Variants in NFATC2IP observed in about 807,000 individuals in gnomAD.
NFATC2IP encodes NFATC2-interacting protein.
Under a neutral mutation model 40.2 loss-of-function variants are expected in NFATC2IP, and 25 were observed. The observed-to-expected ratio is 0.62, with a 90% CI of 0.45 to 0.87. The LOEUF (loss-of-function observed/expected upper bound fraction) is 0.87. Among genes scored for constraint, NFATC2IP ranks in the 40% least tolerant of loss-of-function variants. The pLI, the probability that NFATC2IP is intolerant of heterozygous loss-of-function variation, is 0.00. For missense variants in NFATC2IP, 553 were observed against 555.6 expected (o/e 1.00, Z 0.05); for synonymous variants, 241 against 236.3 (o/e 1.02, Z -0.18).
At chr16:28,961,933 T>G (rs1358536803) in intron 7 of NFATC2IP, among the ~76,000 whole-genome samples, 3 of 146,372 alleles carry the variant, frequency 2.0e-5, no homozygotes, top group Non-Finnish European at 4.5e-5. Context: ...AGACAGGGTC[T>G]TGCTCTGTTG....
intron 2 of NFATC2IP, among the ~76,000 whole-genome samples, chr16:28,952,878 C>G (rs1259790764): frequency 1.3e-5 from 2 of 151,536 alleles, no homozygotes; most frequent in Non-Finnish European, 2.9e-5. Context: ...CAGTAGCTGA[C>G]TAATTCCCAC....
rs1964978413 is a variant in NFATC2IP, at chr16:28,952,499, G to C, written c.460+295G>C. 5 of 366,510 alleles carry C rather than the reference G, an allele frequency of 1.4e-5. No individual in the cohort carries two copies. In the South Asian group the frequency reaches 1.4e-4, roughly 11 times the overall value. 22.7% of individuals were successfully genotyped at this position (366,510 alleles called of 1,614,324 possible). ...GTTACATCTGCAGCAAGTTCTTTGGGAACACTGGAGCCAGCAGGGTGTTCT... is the reference window on the plus strand; with the variant it reads ...GTTACATCTGCAGCAAGTTCTTTGGCAACACTGGAGCCAGCAGGGTGTTCT... On this transcript the variant is annotated intron_variant, in intron 2 of 7. Coordinates refer to ENST00000320805, the MANE Select transcript of NFATC2IP (RefSeq NM_032815.4).
intron 3 of NFATC2IP, 80 bp downstream of exon 3, chr16:28,954,762 G>A (rs2141640623): frequency 5.0e-6 from 4 of 803,524 alleles, no homozygotes; most frequent in Non-Finnish European, 8.4e-6. Context: ...GGACTCTTGG[G>A]TGACTCCTGA....
At position 28,965,494 on chromosome 16, in the gene NFATC2IP, A is replaced by T. The variant is rs1007696107; in HGVS notation, c.*1631A>T. 2.4e-4 allele frequency: 37 copies of T among 152,166 alleles called. No homozygotes were observed. Among genetic ancestry groups the T allele is most frequent in the African/African-American group, 8.7e-4 (36 of 41,504 alleles). 9.4% of individuals were successfully genotyped at this position (152,166 alleles called of 1,614,324 possible). On this transcript the variant is annotated 3_prime_UTR_variant, in exon 8 of 8. Coordinates refer to ENST00000320805, the MANE Select transcript of NFATC2IP (RefSeq NM_032815.4). ...CAGATCATGAGGGCAGGAGATTGAG[A>T]CCCTCCTGGCCAACATGGTGAAACC...
At chr16:28,963,136 C>T in intron 7 of NFATC2IP, among the ~76,000 whole-genome samples, 1 of 152,144 alleles carries the variant, frequency 6.6e-6, no homozygotes. Context: ...GAGTTGTCTA[C>T]CAGTCCCACG....
In NFATC2IP at chr16:28,963,905, G is replaced by A; in HGVS notation, c.*42G>A. 6.3e-7 allele frequency: 1 copy of A among 1,598,050 alleles called. No homozygotes were observed. On this transcript the variant is annotated 3_prime_UTR_variant, in exon 8 of 8. Coordinates refer to ENST00000320805, the MANE Select transcript of NFATC2IP (RefSeq NM_032815.4). Reference sequence around the variant, plus strand: ...TGACGGCCCAGCCTGGACTTGGGGAGAATGACTTTCCCTTTTTTGCCCCAT... The same window carrying A: ...TGACGGCCCAGCCTGGACTTGGGGAAAATGACTTTCCCTTTTTTGCCCCAT...
At chr16:28,959,214 G>A in intron 7 of NFATC2IP, 114 bp downstream of exon 7, 2 of 674,176 alleles carry the variant, frequency 3.0e-6, no homozygotes, top group Non-Finnish European at 2.6e-6. Flanking sequence ...AGGAGACACT[G>A]CCCTCCATGT....
chr16:28,955,576 C>G (rs1965011055), intron 3 of NFATC2IP, among the ~76,000 whole-genome samples: 1 of 152,138 alleles, frequency 6.6e-6, no homozygotes, highest in Non-Finnish European at 1.5e-5. Context: ...TTATTGGAAG[C>G]TGCTTCCTCT....
intron 7 of NFATC2IP, among the ~76,000 whole-genome samples, chr16:28,962,854 T>C (rs1965101713): frequency 6.6e-6 from 1 of 152,164 alleles, no homozygotes; most frequent in Admixed American, 6.5e-5. Flanking sequence ...ACGTGTGTTC[T>C]CCCCTCATGT....
intron 7 of NFATC2IP, 41 bp downstream of exon 7, chr16:28,959,141 C>A: frequency 1.7e-6 from 2 of 1,205,710 alleles, no homozygotes; most frequent in Non-Finnish European, 2.5e-6. Flanking sequence ...TCACCCTGTC[C>A]TCTGCTGCCT....
At chr16:28,960,338 C>T (rs760183780) in intron 7 of NFATC2IP, among the ~76,000 whole-genome samples, 4 of 152,150 alleles carry the variant, frequency 2.6e-5, no homozygotes, top group Non-Finnish European at 4.4e-5. Context: ...CTAGCCCCCA[C>T]CAAATTCATG....
In NFATC2IP at chr16:28,966,468, A is replaced by G. The variant is rs1231173824; in HGVS notation, c.*2605A>G. 3.5e-5 allele frequency: 5 copies of G among 142,558 alleles called. No homozygotes were observed. The highest frequency in any genetic ancestry group is 1.3e-4 in the African/African-American group (5 of 39,440). The allele number at this position is 142,558 out of a possible 1,614,324, so 8.8% of individuals were successfully genotyped here. A position where few individuals can be genotyped will look rare whatever the true frequency, so the allele number is the denominator to read the frequency against. On this transcript the variant is annotated 3_prime_UTR_variant, in exon 8 of 8. Transcript: ENST00000320805. ...TTAAAAAAAAAAAAAAAAAAAAATG[A>G]GAGAAATCGGCTGGGCATGGTTTCT...
In NFATC2IP at chr16:28,955,964, T is replaced by G. The variant is rs371559721; in HGVS notation, c.579-14T>G. ...TCTCCATTGCCTCCGTCCTGCTGTC[T>G]CTTGCTTCTACAGGGATCTGGACAA... is the stretch of plus-strand genomic sequence containing the variant. On this transcript the variant is annotated splice_polypyrimidine_tract_variant and intron_variant, in intron 3 of 7. Transcript: ENST00000320805. 13 of 1,605,874 alleles carry G rather than the reference T, an allele frequency of 8.1e-6. No homozygotes were observed. The African/African-American group carries it at 1.7e-4, about 21-fold the overall frequency.
chr16:28,956,026 C>T lies in NFATC2IP; in HGVS notation c.627C>T (p.Ser209=). 1 of 1,614,142 alleles carries T rather than the reference C, an allele frequency of 6.2e-7. No homozygotes were observed. The highest frequency in any genetic ancestry group is 8.5e-7 in the Non-Finnish European group (1 of 1,180,026). Reference sequence around the variant, plus strand: ...CCCCACCTTCACCAAGGACCAAAAGCAGAACGCATACTCGGGCACTCAAGA... The same window carrying T: ...CCCCACCTTCACCAAGGACCAAAAGTAGAACGCATACTCGGGCACTCAAGA... The part of the protein sequence containing the change: ...PLSPPSPRTK[S]RTHTRALKKL... The change falls in exon 4 of 8, where the codon AGC becomes AGT. Residue 209 remains serine (S), a synonymous_variant. Transcript: ENST00000320805.
In NFATC2IP at chr16:28,952,129, C is replaced by T. The variant is rs117838836; in HGVS notation, c.388-3C>T. 890 of 1,613,842 alleles carry T rather than the reference C, an allele frequency of 5.5e-4. No homozygotes were observed. Among genetic ancestry groups the T allele is most frequent in the Non-Finnish European group, 7.1e-4 (836 of 1,179,854 alleles). ...GACCCCTCTCCCTTCTTTGTCTTTGCAGGTTAAAAGCAGCCTTCGCCTTAT... is the reference window on the plus strand; with the variant it reads ...GACCCCTCTCCCTTCTTTGTCTTTGTAGGTTAAAAGCAGCCTTCGCCTTAT... On this transcript the variant is annotated splice_polypyrimidine_tract_variant and splice_region_variant and intron_variant, in intron 1 of 7. Transcript: ENST00000320805.
intron 5 of NFATC2IP, chr16:28,958,386 A>G (rs879465793): frequency 1.9e-4 from 37 of 198,488 alleles, no homozygotes; most frequent in Non-Finnish European, 3.3e-4. Context: ...ATATAGGAAG[A>G]TGTCATACTG....
chr16:28,954,573 C>G lies in NFATC2IP; in HGVS notation c.469C>G (p.Leu157Val). The change falls in exon 3 of 8, where the codon CTG (leucine) becomes GTG (valine). Residue 157 changes from leucine to valine, a missense_variant. Transcript: ENST00000320805. The stretch of plus-strand genomic sequence containing the variant: ...TCTTCCTCTGCCCCCAGAGGCAGAG[C>G]TGGCAGATTCGAGTGGTCTCTACCA... ...YPPGDEEEAELADSSGLYHEG... is the reference protein window; with the variant it reads ...YPPGDEEEAEVADSSGLYHEG... The G allele has an allele frequency of 6.2e-7, 1 of 1,611,334 alleles. No individual in the cohort carries two copies. Among genetic ancestry groups the G allele is most frequent in the South Asian group, 1.1e-5 (1 of 91,006 alleles).
intron 7 of NFATC2IP, among the ~76,000 whole-genome samples, chr16:28,963,299 A>T (rs1965107033): frequency 6.6e-6 from 1 of 152,210 alleles, no homozygotes. Context: ...TTCTAAGGTC[A>T]CATATCTAAT....
intron 7 of NFATC2IP, among the ~76,000 whole-genome samples, chr16:28,962,786 G>A (rs1463772301): frequency 3.3e-5 from 5 of 152,108 alleles, no homozygotes; most frequent in Non-Finnish European, 7.4e-5. Context: ...TCCTGCTGGC[G>A]GCCCACAGTC....
Sources: gnomAD v4.1 joint callset for allele counts (sites outside exome capture counted in the v4.1 genomes callset) on GRCh38, gnomAD v4.1.1 for gene constraint, MANE v1.5 for transcripts, NCBI Gene and HGNC (gene_info 2026-07-23, HGNC 2026-07-21) for gene names.